Variants in ADGRL2 observed in about 807,000 individuals in gnomAD.
ADGRL2 encodes the protein adhesion G protein-coupled receptor L2, also known as calcium-independent alpha-latrotoxin receptor 2.
A neutral mutation model predicts 157.4 loss-of-function variants in ADGRL2; 44 were observed. The ratio of observed to expected loss-of-function variants is 0.28; its 90% CI spans 0.22 to 0.36. The LOEUF is 0.36. ADGRL2 is among the 10% of genes least tolerant of loss of function. The pLI is 1.00. For missense variants in ADGRL2, 1,510 were observed against 1,768.9 expected, an observed-to-expected ratio of 0.85 and a Z score of 2.63; for synonymous variants, 585 against 624.7, an observed-to-expected ratio of 0.94 and a Z score of 0.95.
chr1:81,687,055 A>G (rs1263008433), intron 3 of ADGRL2, among the ~76,000 whole-genome samples: 1 of 152,176 alleles, frequency 6.6e-6, no homozygotes, highest in Non-Finnish European at 1.5e-5. Flanking sequence ...GGCCTATCAT[A>G]TGGTCTATCT....
At chr1:81,981,438 G>A (rs532263926) in intron 18 of ADGRL2, among the ~76,000 whole-genome samples, 1 of 152,004 alleles carries the variant, frequency 6.6e-6, no homozygotes, top group East Asian at 1.9e-4. Context: ...TTAGTGTCAT[G>A]TGAGTACACC....
chr1:81,816,934 A>G (rs1436730373), intron 1 of ADGRL2, among the ~76,000 whole-genome samples: 1 of 149,192 alleles, frequency 6.7e-6, no homozygotes, highest in Non-Finnish European at 1.5e-5. Flanking sequence ...ATGGTATCTC[A>G]TGAATGTTGA....
rs1664895746 is a variant in ADGRL2, at chr1:81,993,089, T to TATATATA, written c.*1944_*1945insATATATA. ...TATATATATATATATATATATATAT[T>TATATATA]TTTTTTTTTTTTTTTTTTTTTTTTT... On this transcript the variant is annotated 3_prime_UTR_variant, in exon 24 of 24. Coordinates refer to ENST00000686636, the MANE Select transcript of ADGRL2 (RefSeq NM_001366006.2). Among the ~76,000 whole-genome samples the TATATATA allele has an allele frequency of 2.3e-4, 5 of 21,402 alleles. No individual in the cohort carries two copies. Among genetic ancestry groups the TATATATA allele is most frequent in the African/African-American group, 7.7e-4 (3 of 3,910 alleles). The allele number at this position is 21,402 out of a possible 152,430, so 14.0% of individuals were successfully genotyped here. A position where few individuals can be genotyped will look rare whatever the true frequency, so the allele number is the denominator to read the frequency against.
At chr1:81,907,805 C>T (rs1304942470) in intron 3 of ADGRL2, among the ~76,000 whole-genome samples, 2 of 152,102 alleles carry the variant, frequency 1.3e-5, no homozygotes. Flanking sequence ...ACCCAAAGTC[C>T]ATAGTTTACA....
chr1:81,901,268 G>A (rs2094481144), intron 2 of ADGRL2, among the ~76,000 whole-genome samples: 1 of 151,964 alleles, frequency 6.6e-6, no homozygotes. Flanking sequence ...AAACTATCTT[G>A]GAGAATTAAG....
chr1:81,818,886 T>TATA (rs2090693657), intron 1 of ADGRL2, among the ~76,000 whole-genome samples: 1 of 152,120 alleles, frequency 6.6e-6, no homozygotes, highest in East Asian at 1.9e-4. Flanking sequence ...TTGTAGGCTA[T>TATA]ATAGTCTTTT....
chr1:81,554,576 A>G (rs1421788403), intron 2 of ADGRL2, among the ~76,000 whole-genome samples: 1 of 152,106 alleles, frequency 6.6e-6, no homozygotes. Context: ...TAAGCACCAA[A>G]TAGAATAGTT....
rs564119095 is a variant in ADGRL2 at position 81,780,068 on chromosome 1, C to T, written c.-101+18216C>T. On this transcript the variant is annotated intron_variant, in intron 2 of 20. Transcript: ENST00000359929. Reference sequence around the variant, plus strand: ...GAAAGTCTGTAGTGCAGTCACATAGCGCTATCACTTCTGTGTTTCTCATTT... The same window carrying T: ...GAAAGTCTGTAGTGCAGTCACATAGTGCTATCACTTCTGTGTTTCTCATTT... Among the ~76,000 whole-genome samples the T allele has an allele frequency of 2.3e-3, 352 of 152,204 alleles. 2 individuals carry two copies. Among genetic ancestry groups the T allele is most frequent in the African/African-American group, 8.0e-3 (332 of 41,534 alleles).
intron 1 of ADGRL2, among the ~76,000 whole-genome samples, chr1:81,352,124 T>C (rs531830562): frequency 1.3e-5 from 2 of 152,312 alleles, no homozygotes; most frequent in South Asian, 2.1e-4. Flanking sequence ...GTGTGCTGGG[T>C]TCTAGCATGC....
chr1:81,595,102 TATA>T (rs34012782), intron 3 of ADGRL2, among the ~76,000 whole-genome samples: 56,464 of 151,708 alleles, frequency 0.37, 10,707 homozygotes, highest in Non-Finnish European at 0.4. Flanking sequence ...TACAGCTATC[TATA>T]ATAATAGAGT....
At chr1:81,664,608 T>G (rs2082719279) in intron 3 of ADGRL2, among the ~76,000 whole-genome samples, 1 of 152,196 alleles carries the variant, frequency 6.6e-6, no homozygotes, top group African/African-American at 2.4e-5. Context: ...TGTGATTGCC[T>G]TGCTTACCAG....
chr1:81,970,595 C>T, intron 16 of ADGRL2, 61 bp downstream of exon 16: 2 of 1,312,414 alleles, frequency 1.5e-6, no homozygotes, highest in Non-Finnish European at 2.2e-6. Context: ...AGCCTGTTAG[C>T]TGTCAGTGAG....
At chr1:81,537,748 G>A (rs1374981744) in intron 2 of ADGRL2, among the ~76,000 whole-genome samples, 1 of 148,106 alleles carries the variant, frequency 6.8e-6, no homozygotes, top group Non-Finnish European at 1.5e-5. Context: ...CACCCAGTCT[G>A]GAGTCCAGTG....
chr1:81,746,675 T>C (rs888700993), intron 1 of ADGRL2, among the ~76,000 whole-genome samples: 7 of 152,164 alleles, frequency 4.6e-5, no homozygotes, highest in African/African-American at 1.4e-4. Flanking sequence ...GTTTATAGTA[T>C]ATATTATTTT....
intron 1 of ADGRL2, among the ~76,000 whole-genome samples, chr1:81,729,340 T>A (rs2084645030): frequency 6.6e-6 from 1 of 152,144 alleles, no homozygotes; most frequent in Non-Finnish European, 1.5e-5. Context: ...TTCTACTAAG[T>A]ATGGGTTCTT....
intron 1 of ADGRL2, among the ~76,000 whole-genome samples, chr1:81,362,584 T>A (rs2100922904): frequency 6.6e-6 from 1 of 152,066 alleles, no homozygotes; most frequent in South Asian, 2.1e-4. Context: ...TAAGGTATAT[T>A]TTTTTCACTT....
chr1:81,845,370 T>C (rs567257260), intron 2 of ADGRL2, among the ~76,000 whole-genome samples: 1 of 152,240 alleles, frequency 6.6e-6, no homozygotes, highest in Non-Finnish European at 1.5e-5. Flanking sequence ...TCTATAATTC[T>C]GATAATTGTA....
At chr1:81,481,923 C>T (rs2078397169) in intron 2 of ADGRL2, among the ~76,000 whole-genome samples, 3 of 152,158 alleles carry the variant, frequency 2.0e-5, no homozygotes, top group South Asian at 2.1e-4. Flanking sequence ...ACCAACATAA[C>T]ATATCCTTAG....
chr1:81,884,818 G>A lies in ADGRL2; in HGVS notation c.74-22199G>A, dbSNP rs531213557. Among the ~76,000 whole-genome samples the A allele has an allele frequency of 9.0e-4, 137 of 152,230 alleles. 1 individual carries two copies. Among genetic ancestry groups the A allele is most frequent in the Middle Eastern group, 6.8e-3 (2 of 294 alleles). ...ATCATTTTGATTTTTGATATAGAGT[G>A]ATAGAATGAAAACTATATTGGTAAT... On this transcript the variant is annotated intron_variant, in intron 2 of 23. Transcript: ENST00000686636.
Sources: allele counts gnomAD v4.1 joint callset (sites outside exome capture counted in the v4.1 genomes callset), GRCh38; gene constraint gnomAD v4.1.1; transcripts MANE v1.5; gene names NCBI Gene and HGNC (gene_info 2026-07-23, HGNC 2026-07-21).